The following SYNJ2 variants were observed in gnomAD, a reference collection of about 807,000 sequenced individuals.
SYNJ2 encodes the protein synaptojanin 2.
A neutral mutation model predicts 141.3 loss-of-function variants in SYNJ2; 116 were observed. The observed-to-expected ratio is 0.82, with a 90% CI of 0.71 to 0.96. SYNJ2 has a LOEUF of 0.96. Ranked by LOEUF, SYNJ2 falls within the 40% of genes least tolerant of loss-of-function variation. The pLI, the probability that SYNJ2 is intolerant of heterozygous loss-of-function variation, is 0.00. For missense variants in SYNJ2, 1,873 were observed against 1,934.8 expected, an observed-to-expected ratio of 0.97 and a Z score of 0.60; for synonymous variants, 745 against 777.7, an observed-to-expected ratio of 0.96 and a Z score of 0.70.
rs1441646511 is a variant in SYNJ2 at position 158,076,907 on chromosome 6, C to G, written c.2449+125C>G. 5 of 1,217,178 alleles carry G rather than the reference C, an allele frequency of 4.1e-6. No homozygotes were observed. In the Admixed American group the frequency reaches 1.4e-4, roughly 35 times the overall value. The allele number at this position is 1,217,178 out of a possible 1,614,324, so 75.4% of individuals were successfully genotyped here. ...TCAGTTTCTTCATAACCCCAGATGA[C>G]ACAAAAGTCATCCCAGACCTTAACC... On this transcript the variant is annotated intron_variant, in intron 17 of 26. Transcript: ENST00000355585.
At chr6:158,095,255 G>A (rs533829020) in intron 26 of SYNJ2, among the ~76,000 whole-genome samples, 1 of 152,186 alleles carries the variant, frequency 6.6e-6, no homozygotes, top group East Asian at 1.9e-4. Context: ...CCATGAATCA[G>A]CCCAGGTTGC....
chr6:158,053,945 C>T (rs1260776623), intron 5 of SYNJ2, among the ~76,000 whole-genome samples: 2 of 151,668 alleles, frequency 1.3e-5, no homozygotes, highest in African/African-American at 4.9e-5. Context: ...CCTTTCTATC[C>T]ATCCACTGAT....
In SYNJ2 at chr6:158,069,416, G is replaced by A. The variant is rs1342636234; in HGVS notation, c.1800-117G>A. On this transcript the variant is annotated intron_variant, in intron 13 of 26. Coordinates refer to ENST00000355585, the MANE Select transcript of SYNJ2 (RefSeq NM_003898.4). ...AAGCATGACACTAATATTGGGGTGC[G>A]GGCAGCGTGAAATCAGTTCTGCAAA... 1.9e-5 allele frequency: 24 copies of A among 1,277,674 alleles called. 1 individual carries two copies. Among genetic ancestry groups the A allele is most frequent in the South Asian group, 1.2e-4 (8 of 64,738 alleles). The allele number at this position is 1,277,674 out of a possible 1,614,324, so 79.1% of individuals were successfully genotyped here.
At chr6:158,062,288 A>G (rs1781273935) in intron 8 of SYNJ2, 124 bp downstream of exon 8, 1 of 1,443,240 alleles carries the variant, frequency 6.9e-7, no homozygotes, top group Non-Finnish European at 9.2e-7. Flanking sequence ...AGTCTAGGAC[A>G]TGTGCCCTAT....
chr6:158,055,057 T>C, intron 6 of SYNJ2, 29 bp downstream of exon 6: 1 of 1,611,256 alleles, frequency 6.2e-7, no homozygotes, highest in Non-Finnish European at 8.5e-7. Flanking sequence ...CATCCAAGCC[T>C]GTCATTGTCA....
chr6:158,089,909 C>T lies in SYNJ2; in HGVS notation c.3527C>T (p.Ala1176Val), dbSNP rs763619274. 6.2e-7 allele frequency: 1 copy of T among 1,614,108 alleles called. No individual in the cohort carries two copies. ...ATCAAAACCACCAATGCCCAGGAGG[C>T]AGAAGCAGCAATCCGGTGTCTCCTG... ...KQIKTTNAQE[A>V]EAAIRCLLEA... The change falls in exon 25 of 27, where the codon GCA becomes GTA. Residue 1176 changes from alanine to valine, a missense_variant. Coordinates refer to ENST00000355585, the MANE Select transcript of SYNJ2 (RefSeq NM_003898.4).
At chr6:158,042,250 T>C (rs909283295) in intron 4 of SYNJ2, among the ~76,000 whole-genome samples, 3 of 152,270 alleles carry the variant, frequency 2.0e-5, no homozygotes, top group African/African-American at 7.2e-5. Context: ...TCTTAACACA[T>C]GCTTTTTTCC....
At position 158,064,730 on chromosome 6, in the gene SYNJ2, G is replaced by A. The variant is rs1781451564; in HGVS notation, c.1339G>A (p.Ala447Thr). The A allele has an allele frequency of 3.7e-6, 6 of 1,613,834 alleles. No homozygotes were observed. The highest frequency in any genetic ancestry group is 1.3e-5 in the African/African-American group (1 of 74,952). ...GAGCAAGGTGTTCACAGGCAGCAGA[G>A]CCCTGGAAGGGAAGGCCAAGGTAGG... is the stretch of plus-strand genomic sequence containing the variant. Reference protein sequence around the residue: ...SLSKVFTGSRALEGKAKVGKL... With the variant: ...SLSKVFTGSRTLEGKAKVGKL... The change falls in exon 10 of 27, where the codon GCC becomes ACC. Residue 447 changes from alanine to threonine, a missense_variant. Coordinates refer to ENST00000355585, the MANE Select transcript of SYNJ2 (RefSeq NM_003898.4).
At chr6:158,093,813 C>G in intron 26 of SYNJ2, 1 of 725,978 alleles carries the variant, frequency 1.4e-6, no homozygotes, top group Non-Finnish European at 2.5e-6. Context: ...TTCCCAGATT[C>G]GCCATGTTCA....
intron 2 of SYNJ2, 174 bp from the exon 3 acceptor site, chr6:158,028,582 A>T: frequency 2.5e-6 from 2 of 796,176 alleles, no homozygotes; most frequent in Non-Finnish European, 3.9e-6. Flanking sequence ...CCTGAAGCTT[A>T]CAGGACAGGG....
rs900310078 is a variant in SYNJ2, at chr6:158,088,589, G to A, written c.3344-71G>A. The A allele has an allele frequency of 3.5e-6, 4 of 1,152,642 alleles. No individual in the cohort carries two copies. In the African/African-American group the frequency reaches 4.6e-5, roughly 13 times the overall value. The allele number at this position is 1,152,642 out of a possible 1,614,324, so 71.4% of individuals were successfully genotyped here. A position where few individuals can be genotyped will look rare whatever the true frequency, so the allele number is the denominator to read the frequency against. On this transcript the variant is annotated intron_variant, in intron 23 of 26. Coordinates refer to ENST00000355585, the MANE Select transcript of SYNJ2 (RefSeq NM_003898.4). The stretch of plus-strand genomic sequence containing the variant: ...CTGGGACATCCGCCTCGTCTAGTCG[G>A]GCTCCTGGCAGCTGGCTGGGAAGTT...
chr6:158,026,743 C>G (rs990154242), intron 2 of SYNJ2: 2 of 825,660 alleles, frequency 2.4e-6, no homozygotes, highest in Non-Finnish European at 2.9e-6. Flanking sequence ...CAAAATTTTC[C>G]ATAGCTCTGG....
intron 25 of SYNJ2, 31 bp downstream of exon 25, chr6:158,089,978 C>T (rs778497068): frequency 1.3e-6 from 2 of 1,482,030 alleles, no homozygotes; most frequent in Middle Eastern, 1.7e-4. Context: ...AGGGGAAAAA[C>T]CAATTCTCCT....
In SYNJ2 at chr6:157,982,069, C is replaced by T. The variant is rs1448096977; in HGVS notation, c.108C>T (p.Ala36=). 9 of 1,337,772 alleles carry T rather than the reference C, an allele frequency of 6.7e-6. No individual in the cohort carries two copies. The African/African-American group carries it at 1.2e-4, about 18-fold the overall frequency. The allele number at this position is 1,337,772 out of a possible 1,614,324, so 82.9% of individuals were successfully genotyped here. The change falls in exon 1 of 27, where the codon GCC becomes GCT. Residue 36 remains alanine (A), a synonymous_variant. Coordinates refer to ENST00000355585, the MANE Select transcript of SYNJ2 (RefSeq NM_003898.4). The surrounding 1 kb of genome is among the most constrained non-coding windows in gnomAD (Gnocchi z 4.0). ...RGRDDCLLFE[A]GTVATLAPEE... ...GCGACGACTGCCTGCTGTTCGAGGC[C>T]GGCACGGTGGCCACGCTGGGTGAGT...
chr6:157,981,811 AG>A, upstream of SYNJ2: 1 of 615,072 alleles, frequency 1.6e-6, no homozygotes, highest in Non-Finnish European at 2.3e-6. This position sits in a 1 kb window ranked among gnomAD's most constrained non-coding sequence, Gnocchi z 6.4. Context: ...AGGAGGAGGA[AG>A]GGGAGGAGGC....
chr6:157,993,807 T>TG (rs1777542281), intron 1 of SYNJ2, among the ~76,000 whole-genome samples: 2 of 99,106 alleles, frequency 2.0e-5, no homozygotes, highest in South Asian at 4.2e-4. Context: ...GTTTTTTTTT[T>TG]TTTTTTTTTT....
chr6:158,025,414 A>G (rs9459165), intron 2 of SYNJ2, among the ~76,000 whole-genome samples: 80,825 of 152,036 alleles, frequency 0.53, 22,682 homozygotes, highest in African/African-American at 0.71. Flanking sequence ...AGTGGTTCAC[A>G]CCTGTAATCC....
At chr6:158,028,617 G>T in intron 2 of SYNJ2, 139 bp from the exon 3 acceptor site, 1 of 1,134,432 alleles carries the variant, frequency 8.8e-7, no homozygotes, top group Non-Finnish European at 1.3e-6. Context: ...ATTGAGTTGG[G>T]CAATGCCATG....
In SYNJ2 at chr6:158,071,467, C is replaced by A; in HGVS notation, c.1941-135C>A. On this transcript the variant is annotated intron_variant, in intron 14 of 26. Coordinates refer to ENST00000355585, the MANE Select transcript of SYNJ2 (RefSeq NM_003898.4). The surrounding 1 kb of genome is among the most constrained non-coding windows in gnomAD (Gnocchi z 4.3). ...AGGAGTCGATGACGGCCACGGTGGCCACTGTGTTGAGCTGATGATTTTGGA... is the reference window on the plus strand; with the variant it reads ...AGGAGTCGATGACGGCCACGGTGGCAACTGTGTTGAGCTGATGATTTTGGA... 1 of 1,003,906 alleles carries A rather than the reference C, an allele frequency of 1.0e-6. No homozygotes were observed. The highest frequency in any genetic ancestry group is 1.4e-6 in the Non-Finnish European group (1 of 700,240). 62.2% of individuals were successfully genotyped at this position (1,003,906 alleles called of 1,614,324 possible).
Sources: gnomAD v4.1 joint callset for allele counts (sites outside exome capture counted in the v4.1 genomes callset) on GRCh38, gnomAD v4.1.1 for gene constraint, Gnocchi (gnomAD v3.1) non-coding constraint, MANE v1.5 for transcripts, NCBI Gene and HGNC (gene_info 2026-07-23, HGNC 2026-07-21) for gene names.